Variants in SLC24A2 observed in about 807,000 individuals in gnomAD.
SLC24A2 encodes the protein sodium/potassium/calcium exchanger 2.
In SLC24A2, 36 loss-of-function variants were observed where a neutral mutation model predicts 62.0. The observed-to-expected ratio is 0.58, with a 90% CI of 0.44 to 0.77. The LOEUF is 0.77. Among genes scored for constraint, SLC24A2 ranks in the 30% least tolerant of loss-of-function variants. SLC24A2 has a pLI of 0.00. For synonymous variants in SLC24A2, 358 were observed against 294.0 expected, an observed-to-expected ratio of 1.22 and a Z score of -2.23; for missense variants, 846 against 817.9, an observed-to-expected ratio of 1.03 and a Z score of -0.42.
chr9:20,096,151 C>A, the SLC24A2 span, among the ~76,000 whole-genome samples: 1 of 151,940 alleles, frequency 6.6e-6, no homozygotes, highest in Non-Finnish European at 1.5e-5. Flanking sequence ...TATGGAGAAC[C>A]CTAAAACAGA....
the SLC24A2 span, among the ~76,000 whole-genome samples, chr9:20,089,735 C>T: frequency 2.1e-5 from 3 of 146,246 alleles, no homozygotes; most frequent in Admixed American, 6.9e-5. Flanking sequence ...ATCCCTGCTA[C>T]CTTTGGCCTG....
the SLC24A2 span, among the ~76,000 whole-genome samples, chr9:20,290,052 C>T: frequency 6.6e-6 from 1 of 152,330 alleles, no homozygotes; most frequent in Non-Finnish European, 1.5e-5. Flanking sequence ...CTCTGAGCCA[C>T]AACAGTGGCT....
At position 19,641,365 on chromosome 9, in the gene SLC24A2, T is replaced by C. The variant is rs12001161; in HGVS notation, c.931-19066A>G. Among the ~76,000 whole-genome samples, 619 of 152,344 alleles carry C rather than the reference T, an allele frequency of 4.1e-3. 4 individuals carry two copies. Among genetic ancestry groups the C allele is most frequent in the African/African-American group, 0.014 (595 of 41,574 alleles). ...ATTCCAATTGCCAACTCACCATTTC[T>C]ATTGAATGTCTAGTGGGCATAATAA... is the stretch of plus-strand genomic sequence containing the variant. On this transcript the variant is annotated intron_variant, in intron 2 of 10. Coordinates refer to ENST00000341998, the MANE Select transcript of SLC24A2 (RefSeq NM_020344.4).
At chr9:20,190,982 T>G in the SLC24A2 span, among the ~76,000 whole-genome samples, 1 of 152,216 alleles carries the variant, frequency 6.6e-6, no homozygotes, top group East Asian at 1.9e-4. Flanking sequence ...CTCAAGGAGC[T>G]TGCTCTCTAA....
the SLC24A2 span, among the ~76,000 whole-genome samples, chr9:19,819,663 A>G: frequency 6.6e-6 from 1 of 151,964 alleles, no homozygotes; most frequent in Non-Finnish European, 1.5e-5. Context: ...ATGTGATACC[A>G]CCTTACTCCT....
the SLC24A2 span, among the ~76,000 whole-genome samples, chr9:20,271,295 A>G: frequency 6.6e-6 from 1 of 152,192 alleles, no homozygotes; most frequent in Non-Finnish European, 1.5e-5. Flanking sequence ...TCAATGATGC[A>G]TGTCTGACTG....
chr9:20,073,940 A>ATATG, the SLC24A2 span, among the ~76,000 whole-genome samples: 1 of 142,196 alleles, frequency 7.0e-6, no homozygotes, highest in Non-Finnish European at 1.5e-5. Context: ...ATATATATAT[A>ATATG]TGTATGTATA....
chr9:19,884,642 AT>A, the SLC24A2 span, among the ~76,000 whole-genome samples: 1 of 152,068 alleles, frequency 6.6e-6, no homozygotes, highest in Non-Finnish European at 1.5e-5. Context: ...TCTATTTATG[AT>A]TTTTTCAAAT....
chr9:19,716,633 C>A (rs1820868738), intron 2 of SLC24A2, among the ~76,000 whole-genome samples: 1 of 152,154 alleles, frequency 6.6e-6, no homozygotes, highest in Admixed American at 6.5e-5. Flanking sequence ...TCTTAAGAGA[C>A]TGCTGAGACC....
intron 9 of SLC24A2, among the ~76,000 whole-genome samples, chr9:19,525,765 G>GTTTTTTTTTTTTTTTTTTTTT (rs71496823): frequency 1.0e-5 from 1 of 99,132 alleles, no homozygotes; most frequent in Non-Finnish European, 2.0e-5. Context: ...ACATGCTACT[G>GTTTTTTTTTTTTTTTTTTTTT]TTTTTTTTTT....
chr9:19,654,655 GT>G (rs1378387541), intron 2 of SLC24A2, among the ~76,000 whole-genome samples: 1 of 152,132 alleles, frequency 6.6e-6, no homozygotes, highest in African/African-American at 2.4e-5. Flanking sequence ...GTAATTCTTT[GT>G]GACCTCCTTG....
At chr9:20,186,665 A>G in the SLC24A2 span, among the ~76,000 whole-genome samples, 1 of 152,292 alleles carries the variant, frequency 6.6e-6, no homozygotes, top group African/African-American at 2.4e-5. Context: ...AAATGAAAAT[A>G]TATCTTTAAG....
At chr9:20,051,651 C>CTCTT in the SLC24A2 span, among the ~76,000 whole-genome samples, 3 of 63,660 alleles carry the variant, frequency 4.7e-5, no homozygotes, top group African/African-American at 2.0e-4. Flanking sequence ...GAGGTTTTTT[C>CTCTT]TTTCTCTTTT....
chr9:19,728,571 T>C (rs2118693596), intron 2 of SLC24A2, among the ~76,000 whole-genome samples: 1 of 152,296 alleles, frequency 6.6e-6, no homozygotes, highest in African/African-American at 2.4e-5. Context: ...GTAGTGATTA[T>C]AGAAGGGTCT....
the SLC24A2 span, among the ~76,000 whole-genome samples, chr9:20,103,350 C>A: frequency 6.6e-6 from 1 of 152,204 alleles, no homozygotes; most frequent in African/African-American, 2.4e-5. Context: ...GAGCATGGTT[C>A]TCCCAGCATG....
chr9:19,680,203 G>A (rs1269512933), intron 2 of SLC24A2, among the ~76,000 whole-genome samples: 2 of 152,108 alleles, frequency 1.3e-5, no homozygotes, highest in Non-Finnish European at 2.9e-5. Context: ...TGTGTGTAGT[G>A]GAACCAATAG....
At chr9:20,246,861 C>T in the SLC24A2 span, among the ~76,000 whole-genome samples, 6 of 152,228 alleles carry the variant, frequency 3.9e-5, no homozygotes, top group African/African-American at 1.4e-4. Flanking sequence ...CCAACTGAAG[C>T]TGCCACCACC....
At chr9:19,694,495 G>C (rs991606981) in intron 2 of SLC24A2, among the ~76,000 whole-genome samples, 6 of 152,060 alleles carry the variant, frequency 3.9e-5, no homozygotes, top group African/African-American at 1.4e-4. Context: ...TAAAGAAAAG[G>C]CTACAGGGAA....
chr9:20,048,212 C>T, the SLC24A2 span, among the ~76,000 whole-genome samples: 4 of 152,292 alleles, frequency 2.6e-5, no homozygotes, highest in East Asian at 7.7e-4. Context: ...CTCTGTAATG[C>T]TTAGCACACT....
Sources: gnomAD v4.1 joint callset for allele counts (sites outside exome capture counted in the v4.1 genomes callset) on GRCh38, gnomAD v4.1.1 for gene constraint, MANE v1.5 for transcripts, NCBI Gene and HGNC (gene_info 2026-07-23, HGNC 2026-07-21) for gene names.